The following NMNAT2 variants were observed in gnomAD, a reference collection of about 807,000 sequenced individuals.
NMNAT2 encodes the protein nicotinamide nucleotide adenylyltransferase 2.
A neutral mutation model predicts 41.6 loss-of-function variants in NMNAT2; 11 were observed. That is an observed-to-expected ratio of 0.26 (90% confidence interval 0.17 to 0.44). NMNAT2 has a LOEUF of 0.44. Ranked by LOEUF, NMNAT2 falls within the 20% of genes least tolerant of loss-of-function variation. The probability of loss-of-function intolerance (pLI) is 1.00; values close to 1 mark genes in which losing one functional copy is unlikely to be tolerated. For missense variants in NMNAT2, 288 were observed against 407.7 expected (o/e 0.71, Z 2.53); for synonymous variants, 148 against 151.2 (o/e 0.98, Z 0.16).
rs997538932 is a variant in NMNAT2, at chr1:183,418,274, G to T, written c.-7C>A. Reference sequence around the variant, plus strand: ...TCTTGGTGGTCTCGGTCATGGTGCAGATGGGTCCTTCGCGGTGGTCTAGGG... The same window carrying T: ...TCTTGGTGGTCTCGGTCATGGTGCATATGGGTCCTTCGCGGTGGTCTAGGG... On this transcript the variant is annotated 5_prime_UTR_variant, in exon 1 of 11. The change creates a new upstream start codon in the 5' untranslated region. Coordinates refer to ENST00000287713, the MANE Select transcript of NMNAT2 (RefSeq NM_015039.4). The T allele has an allele frequency of 1.9e-6, 3 of 1,613,910 alleles. No homozygotes were observed. The highest frequency in any genetic ancestry group is 1.7e-5 in the Admixed American group (1 of 60,012).
Position 183,396,560 on chromosome 1 carries a change from A to G in NMNAT2, c.85+21623T>C, listed in dbSNP as rs115315702. Among the ~76,000 whole-genome samples the G allele has an allele frequency of 6.8e-3, 1,039 of 152,272 alleles. 10 individuals are homozygous for G. The highest frequency in any genetic ancestry group is 0.023 in the African/African-American group (970 of 41,544). On this transcript the variant is annotated intron_variant, in intron 1 of 10. Coordinates refer to ENST00000287713, the MANE Select transcript of NMNAT2 (RefSeq NM_015039.4). Reference sequence around the variant, plus strand: ...CTCAAGTTAGCGTGTATATAACTCCAGTAAGCACACTGCACATGCTCCCCT... The same window carrying G: ...CTCAAGTTAGCGTGTATATAACTCCGGTAAGCACACTGCACATGCTCCCCT...
intron 1 of NMNAT2, among the ~76,000 whole-genome samples, chr1:183,371,261 A>T (rs142287861): frequency 6.6e-6 from 1 of 152,368 alleles, no homozygotes; most frequent in Non-Finnish European, 1.5e-5. Flanking sequence ...GGACATTTTG[A>T]AAAAGGCAAA....
At chr1:183,315,462 G>A (rs1048686383) in intron 1 of NMNAT2, among the ~76,000 whole-genome samples, 8 of 148,974 alleles carry the variant, frequency 5.4e-5, no homozygotes, top group South Asian at 4.2e-4. Context: ...GTGTGTGTGC[G>A]CTTGTGTGTG....
chr1:183,381,248 T>A (rs566849510), intron 1 of NMNAT2, among the ~76,000 whole-genome samples: 54 of 152,294 alleles, frequency 3.5e-4, no homozygotes, highest in African/African-American at 1.2e-3. Flanking sequence ...CCTCCCTCTC[T>A]CAACCTCTGC....
chr1:183,392,536 G>A (rs1480576362), intron 1 of NMNAT2, among the ~76,000 whole-genome samples: 2 of 152,070 alleles, frequency 1.3e-5, no homozygotes, highest in Non-Finnish European at 2.9e-5. Context: ...CCTTCAAATG[G>A]CTCCCTTTCT....
intron 5 of NMNAT2, 82 bp downstream of exon 5, chr1:183,286,580 G>C: frequency 8.1e-7 from 1 of 1,234,040 alleles, no homozygotes; most frequent in Non-Finnish European, 1.1e-6. Context: ...ATCAAGTTCT[G>C]GGTGGATCCC....
chr1:183,372,888 T>A (rs1663579301), intron 1 of NMNAT2, among the ~76,000 whole-genome samples: 1 of 152,112 alleles, frequency 6.6e-6, no homozygotes, highest in Admixed American at 6.5e-5. Context: ...ACATCAAAGG[T>A]TAATATCGCA....
At chr1:183,301,611 A>G (rs922830466) in intron 1 of NMNAT2, among the ~76,000 whole-genome samples, 1 of 152,212 alleles carries the variant, frequency 6.6e-6, no homozygotes, top group African/African-American at 2.4e-5. Flanking sequence ...CCGTTGCCAC[A>G]TCCTGTCCTC....
chr1:183,379,873 C>A (rs921307460), intron 1 of NMNAT2, among the ~76,000 whole-genome samples: 3 of 152,160 alleles, frequency 2.0e-5, no homozygotes, highest in Admixed American at 1.3e-4. Flanking sequence ...AAACAGAGAA[C>A]CCATTTCTAT....
At chr1:183,357,778 G>T (rs1296079576) in intron 1 of NMNAT2, among the ~76,000 whole-genome samples, 1 of 152,076 alleles carries the variant, frequency 6.6e-6, no homozygotes, top group African/African-American at 2.4e-5. Context: ...TTTTTCATAT[G>T]ATTGTTGGCC....
intron 1 of NMNAT2, among the ~76,000 whole-genome samples, chr1:183,396,524 G>A (rs1648655182): frequency 6.6e-6 from 1 of 152,148 alleles, no homozygotes; most frequent in Non-Finnish European, 1.5e-5. Flanking sequence ...TGACTGGTAA[G>A]GGAAGAACGC....
chr1:183,269,630 C>T (rs928550190), intron 8 of NMNAT2, among the ~76,000 whole-genome samples: 8 of 152,248 alleles, frequency 5.3e-5, no homozygotes, highest in African/African-American at 1.7e-4. Context: ...ATTAAGGTGC[C>T]TGCTATGTGC....
chr1:183,315,396 T>C (rs977135879), intron 1 of NMNAT2, among the ~76,000 whole-genome samples: 1 of 125,432 alleles, frequency 8.0e-6, no homozygotes, highest in Non-Finnish European at 1.8e-5. Context: ...GTCGGTAACA[T>C]GTGCAATAAC....
At chr1:183,318,817 C>A (rs1662304963) in intron 1 of NMNAT2, among the ~76,000 whole-genome samples, 1 of 152,106 alleles carries the variant, frequency 6.6e-6, no homozygotes, top group Admixed American at 6.5e-5. Flanking sequence ...GAGCCTGGGG[C>A]AGGAAAGAGC....
At chr1:183,321,771 T>C (rs1387275513) in intron 1 of NMNAT2, among the ~76,000 whole-genome samples, 1 of 151,714 alleles carries the variant, frequency 6.6e-6, no homozygotes, top group South Asian at 2.1e-4. Context: ...AAGAAACAAA[T>C]ATGTTACTTA....
At chr1:183,377,095 G>C (rs1429030426) in intron 1 of NMNAT2, among the ~76,000 whole-genome samples, 2 of 152,048 alleles carry the variant, frequency 1.3e-5, no homozygotes, top group Non-Finnish European at 2.9e-5. Context: ...GCTGTAGTCC[G>C]AAGGCACTGG....
chr1:183,377,083 C>A (rs796932872), intron 1 of NMNAT2, among the ~76,000 whole-genome samples: 2 of 152,122 alleles, frequency 1.3e-5, no homozygotes, highest in Non-Finnish European at 2.9e-5. Context: ...AAGTGCGACA[C>A]AGCTGTAGTC....
intron 1 of NMNAT2, among the ~76,000 whole-genome samples, chr1:183,359,443 T>C (rs979854794): frequency 6.6e-6 from 1 of 152,080 alleles, no homozygotes; most frequent in Admixed American, 6.6e-5. Context: ...CACTGTCTGG[T>C]TGCATGTGGG....
At chr1:183,416,720 T>C (rs1319737453) in intron 1 of NMNAT2, among the ~76,000 whole-genome samples, 1 of 152,128 alleles carries the variant, frequency 6.6e-6, no homozygotes, top group Non-Finnish European at 1.5e-5. Context: ...CTCAAAGTAG[T>C]TCTATATTCT....
Sources: allele counts gnomAD v4.1 joint callset (sites outside exome capture counted in the v4.1 genomes callset), GRCh38; gene constraint gnomAD v4.1.1; transcripts MANE v1.5; gene names NCBI Gene and HGNC (gene_info 2026-07-23, HGNC 2026-07-21).